Variants in DCAF6 observed in about 807,000 individuals in gnomAD.
DCAF6 encodes the protein DDB1- and CUL4-associated factor 6.
DCAF6 carries 54 observed loss-of-function variants against 125.1 expected under a neutral mutation model. The ratio of observed to expected loss-of-function variants is 0.43; its 90% CI spans 0.35 to 0.54. The LOEUF (loss-of-function observed/expected upper bound fraction) is 0.54. Ranked by LOEUF, DCAF6 falls within the 20% of genes least tolerant of loss-of-function variation. The pLI, the probability that DCAF6 is intolerant of heterozygous loss-of-function variation, is 0.01. For synonymous variants in DCAF6, 371 were observed against 390.4 expected, an observed-to-expected ratio of 0.95 and a Z score of 0.58; for missense variants, 934 against 1,161.7, an observed-to-expected ratio of 0.80 and a Z score of 2.85.
chr1:167,870,355 A>C, the DCAF6 span: 1 of 1,613,516 alleles, frequency 6.2e-7, no homozygotes. Context: ...GGCTGCTGTT[A>C]GATATCAAAA....
chr1:168,045,772 C>A (rs1449973860), intron 16 of DCAF6, among the ~76,000 whole-genome samples: 1 of 151,928 alleles, frequency 6.6e-6, no homozygotes, highest in East Asian at 1.9e-4. Context: ...AATTGAATTG[C>A]CAACATGTTT....
chr1:167,877,648 A>T, the DCAF6 span, among the ~76,000 whole-genome samples: 4 of 152,180 alleles, frequency 2.6e-5, no homozygotes, highest in African/African-American at 9.6e-5. Flanking sequence ...AATAATTGTG[A>T]TATAGGGCAA....
chr1:168,036,792 G>A (rs1303294546), intron 12 of DCAF6, among the ~76,000 whole-genome samples: 1 of 152,186 alleles, frequency 6.6e-6, no homozygotes, highest in African/African-American at 2.4e-5. Flanking sequence ...ATCTTTGACA[G>A]TTGGAATGGG....
intron 4 of DCAF6, among the ~76,000 whole-genome samples, chr1:167,986,537 A>C (rs898532734): frequency 2.6e-5 from 4 of 152,236 alleles, no homozygotes; most frequent in Non-Finnish European, 4.4e-5. Flanking sequence ...CTGGTTTCAC[A>C]GGAGACAATT....
At chr1:167,896,121 CA>C in the DCAF6 span, among the ~76,000 whole-genome samples, 2 of 151,870 alleles carry the variant, frequency 1.3e-5, no homozygotes, top group East Asian at 3.9e-4. Flanking sequence ...CAGTAGACAG[CA>C]GGGGACTAGC....
At chr1:167,936,227 G>A (rs1348049126), upstream of DCAF6, 7 of 244,596 alleles carry the variant, frequency 2.9e-5, no homozygotes, top group African/African-American at 4.7e-5. Flanking sequence ...GGGTCGAGCG[G>A]AAACCTCCTC....
In DCAF6 at chr1:168,015,776, G is replaced by A; in HGVS notation, c.1379-5G>A. On this transcript the variant is annotated splice_polypyrimidine_tract_variant and splice_region_variant and intron_variant, in intron 10 of 21. Coordinates refer to ENST00000367840, the MANE Select transcript of DCAF6 (RefSeq NM_001198956.2). ...TTTTCACCTTTCTTTTCCTATTTGT[G>A]TCAGAATTTTTAAGGGGCCCTGAGA... 6.8e-7 allele frequency: 1 copy of A among 1,465,106 alleles called. No homozygotes were observed. The highest frequency in any genetic ancestry group is 9.1e-7 in the Non-Finnish European group (1 of 1,102,636). The allele number at this position is 1,465,106 out of a possible 1,614,324, so 90.8% of individuals were successfully genotyped here.
chr1:168,041,743 AT>A, intron 13 of DCAF6, among the ~76,000 whole-genome samples: 1 of 152,070 alleles, frequency 6.6e-6, no homozygotes, highest in South Asian at 2.1e-4. Context: ...TAATATTTTA[AT>A]TACTATAATG....
rs75780280 is a variant in DCAF6 at position 168,048,862 on chromosome 1, C to T, written c.2259-2030C>T. ...TTAGCCTAAGGTTCATTTCAAAAAT[C>T]GGCATTTGGCGGAGATCTAGCCCAA... On this transcript the variant is annotated intron_variant, in intron 16 of 21. Transcript: ENST00000367840. Among the ~76,000 whole-genome samples, 1,080 of 152,258 alleles carry T rather than the reference C, an allele frequency of 7.1e-3. 13 individuals carry two copies. Among genetic ancestry groups the T allele is most frequent in the African/African-American group, 0.024 (1,005 of 41,538 alleles).
At chr1:168,043,270 G>T in intron 14 of DCAF6, 130 bp downstream of exon 14, 1 of 689,366 alleles carries the variant, frequency 1.5e-6, no homozygotes, top group Non-Finnish European at 2.4e-6. Context: ...TAGTCCAGCT[G>T]TTAAACTGAT....
chr1:167,911,052 A>G, the DCAF6 span, among the ~76,000 whole-genome samples: 1 of 152,186 alleles, frequency 6.6e-6, no homozygotes, highest in African/African-American at 2.4e-5. Context: ...TTAACACTGG[A>G]TGGAAAGTGG....
chr1:167,920,780 CAA>C, the DCAF6 span: 2 of 785,032 alleles, frequency 2.5e-6, no homozygotes, highest in Non-Finnish European at 1.9e-6. Context: ...TAGATTACAA[CAA>C]AAAAAAAGCA....
chr1:167,960,489 TG>T (rs1480522618), intron 2 of DCAF6, among the ~76,000 whole-genome samples: 2 of 151,768 alleles, frequency 1.3e-5, no homozygotes, highest in African/African-American at 2.4e-5. Flanking sequence ...TTAGTAGAGA[TG>T]GGGTGGTCTC....
chr1:167,996,032 A>G (rs563126596), intron 7 of DCAF6, among the ~76,000 whole-genome samples: 11 of 152,232 alleles, frequency 7.2e-5, no homozygotes, highest in Non-Finnish European at 1.2e-4. Context: ...AAAGTAGGGA[A>G]TAATTAATCT....
At chr1:168,001,376 G>T (rs989863374) in intron 7 of DCAF6, among the ~76,000 whole-genome samples, 4 of 152,174 alleles carry the variant, frequency 2.6e-5, no homozygotes, top group African/African-American at 9.6e-5. Flanking sequence ...AGCTCTGAAA[G>T]ATGCTGTTTG....
At chr1:167,948,289 T>C (rs777436170) in intron 1 of DCAF6, among the ~76,000 whole-genome samples, 57 of 152,154 alleles carry the variant, frequency 3.7e-4, no homozygotes, top group Non-Finnish European at 7.2e-4. Context: ...GCCTCTCATA[T>C]CTGGATCTCT....
At chr1:168,030,346 G>C (rs1686911769) in intron 12 of DCAF6, among the ~76,000 whole-genome samples, 1 of 152,210 alleles carries the variant, frequency 6.6e-6, no homozygotes, top group South Asian at 2.1e-4. Flanking sequence ...GAGCCTCTGA[G>C]ATGCCACATA....
the DCAF6 span, among the ~76,000 whole-genome samples, chr1:167,864,281 C>A: frequency 2.0e-5 from 3 of 152,136 alleles, no homozygotes; most frequent in African/African-American, 7.2e-5. Context: ...GCCCACCCTA[C>A]TAGAAACTAT....
chr1:167,904,918 A>G, the DCAF6 span: 7 of 1,607,834 alleles, frequency 4.4e-6, no homozygotes, highest in South Asian at 1.1e-5. Flanking sequence ...CTACTCTGCA[A>G]TCAAGCTCTG....
Sources: allele counts gnomAD v4.1 joint callset (sites outside exome capture counted in the v4.1 genomes callset), GRCh38; gene constraint gnomAD v4.1.1; transcripts MANE v1.5; gene names NCBI Gene and HGNC (gene_info 2026-07-23, HGNC 2026-07-21).